ATXN10: variants seen among roughly 807,000 people sequenced by gnomAD.
The protein encoded by ATXN10 is ataxin-10.
A neutral mutation model predicts 52.9 loss-of-function variants in ATXN10; 28 were observed. The ratio of observed to expected loss-of-function variants is 0.53; its 90% CI spans 0.39 to 0.73. The LOEUF (loss-of-function observed/expected upper bound fraction) is 0.73. Ranked by LOEUF, ATXN10 falls within the 30% of genes least tolerant of loss-of-function variation. The pLI is 0.00. For missense variants in ATXN10, 565 were observed against 577.0 expected (o/e 0.98, Z 0.21); for synonymous variants, 226 against 221.5 (o/e 1.02, Z -0.18).
At chr22:45,785,042 G>C (rs767719352) in intron 9 of ATXN10, among the ~76,000 whole-genome samples, 1 of 152,236 alleles carries the variant, frequency 6.6e-6, no homozygotes, top group African/African-American at 2.4e-5. Flanking sequence ...AAAACTTGCT[G>C]TATGGGTTAT....
intron 1 of ATXN10, among the ~76,000 whole-genome samples, chr22:45,685,958 T>G (rs931835661): frequency 2.0e-5 from 3 of 152,252 alleles, no homozygotes; most frequent in Admixed American, 2.0e-4. Flanking sequence ...GCTTATCCAC[T>G]GTATCATTTA....
At chr22:45,676,482 TTTG>T (rs1328194344) in intron 1 of ATXN10, 17 of 151,070 alleles carry the variant, frequency 1.1e-4, no homozygotes, top group Non-Finnish European at 1.9e-4. Flanking sequence ...TATTTTTTAA[TTTG>T]TTTTTTTTTT....
chr22:45,723,324 T>G (rs1924735448), intron 6 of ATXN10, among the ~76,000 whole-genome samples: 2 of 151,406 alleles, frequency 1.3e-5, no homozygotes, highest in South Asian at 4.2e-4. Context: ...GTCACATGGG[T>G]GGGTTGTATA....
rs1925006995 is a variant in ATXN10 at position 45,729,557 on chromosome 22, C to T, written c.861C>T (p.Leu287=). The change falls in exon 7 of 12, where the codon CTC becomes CTT. Residue 287 remains leucine (L), a synonymous_variant. Coordinates refer to ENST00000252934, the MANE Select transcript of ATXN10 (RefSeq NM_013236.4). Reference sequence around the variant, plus strand: ...TTGTGGATCAGTGCAAGACTGTGCTCAAGCTGGCCTCTGAGGAGCCTCCTG... The same window carrying T: ...TTGTGGATCAGTGCAAGACTGTGCTTAAGCTGGCCTCTGAGGAGCCTCCTG... The part of the protein sequence containing the change: ...STFVDQCKTV[L]KLASEEPPDD... 1 of 1,614,142 alleles carries T rather than the reference C, an allele frequency of 6.2e-7. No individual in the cohort carries two copies. The highest frequency in any genetic ancestry group is 2.2e-5 in the East Asian group (1 of 44,880).
In ATXN10 at chr22:45,787,786, C is replaced by A. The variant is rs983972827; in HGVS notation, c.1174-19173C>A. Among the ~76,000 whole-genome samples, 2 of 152,178 alleles carry A rather than the reference C, an allele frequency of 1.3e-5. No homozygotes were observed. Among genetic ancestry groups the A allele is most frequent in the African/African-American group, 4.8e-5 (2 of 41,448 alleles). ...GGAAATACATTTCTGAAAGAAGTTA[C>A]CCTGAAAAACAATCAGCGGGCAAAT... On this transcript the variant is annotated intron_variant, in intron 9 of 11. Coordinates refer to ENST00000252934, the MANE Select transcript of ATXN10 (RefSeq NM_013236.4). The surrounding 1 kb of genome is among the most constrained non-coding windows in gnomAD (Gnocchi z 4.2).
chr22:45,829,503 C>A (rs1341848550), intron 10 of ATXN10, among the ~76,000 whole-genome samples: 2 of 152,060 alleles, frequency 1.3e-5, no homozygotes, highest in African/African-American at 4.8e-5. Flanking sequence ...ACACAAAAAC[C>A]ATTAAAACTC....
At chr22:45,700,410 G>A (rs763801076) in intron 4 of ATXN10, 32 bp downstream of exon 4, 8 of 1,529,702 alleles carry the variant, frequency 5.2e-6, no homozygotes, top group Non-Finnish European at 7.2e-6. Context: ...TTTCTAACTT[G>A]TGAGAAGATT....
At chr22:45,745,282 G>A (rs1429890957) in intron 9 of ATXN10, among the ~76,000 whole-genome samples, 2 of 152,084 alleles carry the variant, frequency 1.3e-5, no homozygotes, top group African/African-American at 2.4e-5. Context: ...AAAACCAAAC[G>A]TTTATTTCAT....
intron 8 of ATXN10, among the ~76,000 whole-genome samples, 179 bp from the exon 9 acceptor site, chr22:45,740,190 C>T (rs1925455162): frequency 1.3e-5 from 2 of 152,086 alleles, no homozygotes; most frequent in African/African-American, 4.8e-5. Context: ...GCAGAAGAGC[C>T]TTCTAATCAT....
rs903913839 is a variant in ATXN10 at position 45,805,703 on chromosome 22, G to C, written c.1174-1256G>C. On this transcript the variant is annotated intron_variant, in intron 9 of 11. Transcript: ENST00000252934. The surrounding 1 kb of genome is among the most constrained non-coding windows in gnomAD (Gnocchi z 4.4). Reference sequence around the variant, plus strand: ...GTTGCCAAGGACTGGGGGGAGGGAAGAATAAGGAGTGACTGCCAGTGGGTG... The same window carrying C: ...GTTGCCAAGGACTGGGGGGAGGGAACAATAAGGAGTGACTGCCAGTGGGTG... Among the ~76,000 whole-genome samples the C allele has an allele frequency of 2.0e-4, 31 of 152,214 alleles. No individual in the cohort carries two copies. Among genetic ancestry groups the C allele is most frequent in the African/African-American group, 6.5e-4 (27 of 41,458 alleles).
Position 45,827,890 on chromosome 22 carries a change from C to T in ATXN10, c.1238-15101C>T, listed in dbSNP as rs562589907. Among the ~76,000 whole-genome samples, 3 of 152,252 alleles carry T rather than the reference C, an allele frequency of 2.0e-5. No individual in the cohort carries two copies. In the South Asian group the frequency reaches 6.2e-4, roughly 32 times the overall value. ...GTATATTAGGTAACAAATTAAGTTT[C>T]CATAGATTTTTAAAGATATCATACA... On this transcript the variant is annotated intron_variant, in intron 10 of 11. Transcript: ENST00000252934.
rs1924428512 is a variant in ATXN10 at position 45,715,962 on chromosome 22, G to A, written c.648-2451G>A. Among the ~76,000 whole-genome samples, 1 of 152,050 alleles carries A rather than the reference G, an allele frequency of 6.6e-6. No individual in the cohort carries two copies. Among genetic ancestry groups the A allele is most frequent in the Non-Finnish European group, 1.5e-5 (1 of 67,986 alleles). ...TTTGACCTGAAGTACCAAGTTTTGT[G>A]GGATAAAGCAAAAGCAGCCAAGTGT... On this transcript the variant is annotated intron_variant, in intron 5 of 11. Transcript: ENST00000252934. This position sits in a 1 kb window ranked among gnomAD's most constrained non-coding sequence, Gnocchi z 4.4.
rs530807874 is a variant in ATXN10, at chr22:45,704,837, A to G, written c.647+1990A>G. Among the ~76,000 whole-genome samples the G allele has an allele frequency of 3.9e-5, 6 of 152,278 alleles. No individual in the cohort carries two copies. The South Asian group carries it at 8.3e-4, about 21-fold the overall frequency. On this transcript the variant is annotated intron_variant, in intron 5 of 11. Transcript: ENST00000252934. ...TTGAGTAGAATTGGTGAGAGCAGAC[A>G]TATGTTTCTTATTTAAGATCTTAGT...
chr22:45,781,556 G>C lies in ATXN10; in HGVS notation c.1174-25403G>C, dbSNP rs371384337. Reference sequence around the variant, plus strand: ...TCATACCACTACACCCAAATGTTTAGAGTACAATTTAAAATCATGGGTTAC... The same window carrying C: ...TCATACCACTACACCCAAATGTTTACAGTACAATTTAAAATCATGGGTTAC... On this transcript the variant is annotated intron_variant, in intron 9 of 11. Transcript: ENST00000252934. The surrounding 1 kb of genome is among the most constrained non-coding windows in gnomAD (Gnocchi z 4.2). 3.9e-5 allele frequency among the ~76,000 whole-genome samples: 6 copies of C among 152,262 alleles called. No homozygotes were observed. The East Asian group carries it at 7.7e-4, about 20-fold the overall frequency.
chr22:45,795,424 TTTTTGAG>T lies in ATXN10; in HGVS notation c.1174-11534_1174-11528del, dbSNP rs1927699056. On this transcript the variant is annotated intron_variant, in intron 9 of 11. Coordinates refer to ENST00000252934, the MANE Select transcript of ATXN10 (RefSeq NM_013236.4). This position sits in a 1 kb window ranked among gnomAD's most constrained non-coding sequence, Gnocchi z 4.6. ...TATTCTATTCTATTCTATTCTATTC[TTTTTGAG>T]ATGAAGTCTCTCTATGTTGCCCAGG... 6.8e-6 allele frequency among the ~76,000 whole-genome samples: 1 copy of T among 147,458 alleles called. No homozygotes were observed. Among genetic ancestry groups the T allele is most frequent in the African/African-American group, 2.6e-5 (1 of 38,922 alleles).
intron 3 of ATXN10, among the ~76,000 whole-genome samples, chr22:45,694,783 GA>G (rs951625780): frequency 9.3e-5 from 13 of 139,878 alleles, no homozygotes; most frequent in Admixed American, 2.8e-4. Context: ...ATTCTGTCTC[GA>G]AAAAAAAAAG....
chr22:45,737,585 T>G (rs2146799204), intron 7 of ATXN10, among the ~76,000 whole-genome samples: 1 of 152,176 alleles, frequency 6.6e-6, no homozygotes, highest in African/African-American at 2.4e-5. Flanking sequence ...GATTTCAGAA[T>G]ACTATATTAA....
At chr22:45,779,017 T>C (rs1412104847) in intron 9 of ATXN10, among the ~76,000 whole-genome samples, 1 of 152,086 alleles carries the variant, frequency 6.6e-6, no homozygotes, top group Non-Finnish European at 1.5e-5. Context: ...GTGTTCCTCG[T>C]TTGTAAAGTA....
chr22:45,751,763 A>AAAAAAAAAAAAATAAT, intron 9 of ATXN10, among the ~76,000 whole-genome samples: 81 of 66,564 alleles, frequency 1.2e-3, no homozygotes, highest in Non-Finnish European at 1.6e-3. Flanking sequence ...AATAAAAAAA[A>AAAAAAAAAAAAATAAT]AATAATAATA....
Sources: gnomAD v4.1 joint callset for allele counts (sites outside exome capture counted in the v4.1 genomes callset) on GRCh38, gnomAD v4.1.1 for gene constraint, Gnocchi (gnomAD v3.1) non-coding constraint, MANE v1.5 for transcripts, NCBI Gene and HGNC (gene_info 2026-07-23, HGNC 2026-07-21) for gene names.